AKT3: variants seen among roughly 807,000 people sequenced by gnomAD.
AKT3 encodes RAC-gamma serine/threonine-protein kinase.
In AKT3, 15 loss-of-function variants were observed where a neutral mutation model predicts 65.3. The ratio of observed to expected loss-of-function variants is 0.23; its 90% CI spans 0.15 to 0.35. The LOEUF (loss-of-function observed/expected upper bound fraction) is 0.35, where lower values mean the gene tolerates loss of function less well. Ranked by LOEUF, AKT3 falls within the 10% of genes least tolerant of loss-of-function variation. The probability of loss-of-function intolerance (pLI) is 1.00; values close to 1 mark genes in which losing one functional copy is unlikely to be tolerated. For missense variants in AKT3, 243 were observed against 576.5 expected (o/e 0.42, Z 5.92); for synonymous variants, 206 against 183.8 (o/e 1.12, Z -0.98).
intron 5 of AKT3, among the ~76,000 whole-genome samples, chr1:243,642,717 C>T (rs1238535855): frequency 6.6e-6 from 1 of 152,194 alleles, no homozygotes; most frequent in East Asian, 1.9e-4. Context: ...TACAGTTACA[C>T]TCTTCCCTTT....
chr1:243,642,732 G>A (rs540209842), intron 5 of AKT3, among the ~76,000 whole-genome samples: 16 of 152,258 alleles, frequency 1.1e-4, no homozygotes, highest in African/African-American at 3.9e-4. Context: ...CCCTTTACAT[G>A]TTTACGTGGC....
chr1:243,650,786 T>C (rs1404718893), intron 4 of AKT3, among the ~76,000 whole-genome samples: 3 of 152,218 alleles, frequency 2.0e-5, no homozygotes, highest in Non-Finnish European at 4.4e-5. Context: ...ACTAGTAGCA[T>C]GCTGTTTTTG....
At chr1:243,747,561 G>A (rs188121676) in intron 2 of AKT3, among the ~76,000 whole-genome samples, 86 of 152,268 alleles carry the variant, frequency 5.6e-4, no homozygotes, top group South Asian at 2.5e-3. Context: ...GCATGTTCAC[G>A]TTCACTTGTC....
At chr1:243,753,693 T>C (rs1042318103) in intron 2 of AKT3, among the ~76,000 whole-genome samples, 2 of 152,180 alleles carry the variant, frequency 1.3e-5, no homozygotes, top group African/African-American at 4.8e-5. Context: ...TCATAATATA[T>C]TCCTCATCAA....
At chr1:243,741,937 T>C (rs1042333621) in intron 2 of AKT3, 2 of 151,972 alleles carry the variant, frequency 1.3e-5, no homozygotes, top group Non-Finnish European at 2.9e-5. Flanking sequence ...ATCTGTGTAT[T>C]AACAGTATTC....
At chr1:243,608,488 G>T (rs1350133453) in intron 8 of AKT3, among the ~76,000 whole-genome samples, 1 of 152,046 alleles carries the variant, frequency 6.6e-6, no homozygotes, top group Non-Finnish European at 1.5e-5. Flanking sequence ...GCAAAAACTT[G>T]ATATAAAAAG....
intron 3 of AKT3, among the ~76,000 whole-genome samples, chr1:243,693,049 G>C (rs1485235599): frequency 6.6e-6 from 1 of 150,866 alleles, no homozygotes; most frequent in East Asian, 2.0e-4. Context: ...AATCAGGAGG[G>C]AAGCAATTCA....
rs371434257 is a variant in AKT3, at chr1:243,562,340, C to T, written c.948+1380G>A. On this transcript the variant is annotated intron_variant, in intron 10 of 13. Coordinates refer to ENST00000673466, the MANE Select transcript of AKT3 (RefSeq NM_005465.7). ...GGCGGAAGGAAGAATGAGGAGCTAA[C>T]GGGTATGGGGTTTCTTGCTGGAGTG... Among the ~76,000 whole-genome samples, 55 of 152,124 alleles carry T rather than the reference C, an allele frequency of 3.6e-4. 1 individual carries two copies. The East Asian group carries it at 9.3e-3, about 26-fold the overall frequency.
Position 243,499,888 on chromosome 1 carries a change from C to T in AKT3, c.*5361G>A, listed in dbSNP as rs762181040. ...ACGCACCACGACCTTCCCAGGGTGA[C>T]ACCGCCTCAGCCTGCAGTGGGGCTG... is the stretch of plus-strand genomic sequence containing the variant. On this transcript the variant is annotated 3_prime_UTR_variant, in exon 14 of 14. Coordinates refer to ENST00000673466, the MANE Select transcript of AKT3 (RefSeq NM_005465.7). The T allele has an allele frequency of 7.1e-6, 8 of 1,122,084 alleles. No homozygotes were observed. The highest frequency in any genetic ancestry group is 9.3e-6 in the Non-Finnish European group (7 of 752,184). 69.5% of individuals were successfully genotyped at this position (1,122,084 alleles called of 1,614,324 possible).
rs534020526 is a variant in AKT3 at position 243,811,097 on chromosome 1, C to T, written c.46+32028G>A. On this transcript the variant is annotated intron_variant, in intron 2 of 13. Coordinates refer to ENST00000673466, the MANE Select transcript of AKT3 (RefSeq NM_005465.7). ...GAATGGGCAAAAACTGGAAGCATTC[C>T]CTTTGAAAACTGGCACAAGACAGGG... 3.9e-4 allele frequency among the ~76,000 whole-genome samples: 59 copies of T among 152,210 alleles called. 1 individual carries two copies. The highest frequency in any genetic ancestry group is 1.3e-3 in the African/African-American group (54 of 41,542).
Position 243,541,905 on chromosome 1 carries a change from C to A in AKT3, c.1251+3605G>T, listed in dbSNP as rs555408947. Among the ~76,000 whole-genome samples, 50 of 152,180 alleles carry A rather than the reference C, an allele frequency of 3.3e-4. 1 individual carries two copies. Among genetic ancestry groups the A allele is most frequent in the African/African-American group, 1.1e-3 (46 of 41,540 alleles). On this transcript the variant is annotated intron_variant, in intron 12 of 13. Transcript: ENST00000673466. Reference sequence around the variant, plus strand: ...GTATTTCTATATACTGGCAGTAAAACAAAGTGAAAATGAAATTTTAAATAT... The same window carrying A: ...GTATTTCTATATACTGGCAGTAAAAAAAAGTGAAAATGAAATTTTAAATAT...
At chr1:243,509,797 G>A (rs12045585) in intron 13 of AKT3, among the ~76,000 whole-genome samples, 19,203 of 152,016 alleles carry the variant, frequency 0.13, 1,421 homozygotes, top group East Asian at 0.26. Flanking sequence ...TAAAGAGACG[G>A]CTTCTCAGGC....
chr1:243,751,760 G>A (rs1176424519), intron 2 of AKT3, among the ~76,000 whole-genome samples: 1 of 152,114 alleles, frequency 6.6e-6, no homozygotes, highest in Non-Finnish European at 1.5e-5. Flanking sequence ...CAGCCCACAG[G>A]GGAAGAGAGC....
At position 243,501,527 on chromosome 1, in the gene AKT3, C is replaced by T; in HGVS notation, c.*3722G>A. The T allele has an allele frequency of 4.3e-6, 1 of 233,268 alleles. No individual in the cohort carries two copies. Among genetic ancestry groups the T allele is most frequent in the East Asian group, 6.0e-5 (1 of 16,582 alleles). 14.4% of individuals were successfully genotyped at this position (233,268 alleles called of 1,614,324 possible). A position where few individuals can be genotyped will look rare whatever the true frequency, so the allele number is the denominator to read the frequency against. On this transcript the variant is annotated 3_prime_UTR_variant, in exon 14 of 14. Coordinates refer to ENST00000673466, the MANE Select transcript of AKT3 (RefSeq NM_005465.7). ...GTGCTGAGAGGTCAGCGTTTCCCCT[C>T]AGAAGCAGCCGTTCATCAAAGTTTG...
At chr1:243,531,063 C>T (rs1263348530) in intron 12 of AKT3, among the ~76,000 whole-genome samples, 1 of 152,068 alleles carries the variant, frequency 6.6e-6, no homozygotes, top group Non-Finnish European at 1.5e-5. Context: ...CATTGATGTT[C>T]AACCATTCTA....
Position 243,552,288 on chromosome 1 carries a change from CAAAAAAAAAAAAAAAA to C in AKT3, c.1163+425_1163+440del, listed in dbSNP as rs33995513. Among the ~76,000 whole-genome samples the C allele has an allele frequency of 1.4e-4, 7 of 50,166 alleles. No homozygotes were observed. The Admixed American group carries it at 2.9e-3, about 20-fold the overall frequency. The allele number at this position is 50,166 out of a possible 152,430, so 32.9% of individuals were successfully genotyped here. The stretch of plus-strand genomic sequence containing the variant: ...TGGGTGGCAGAGTGAGACTCTGTCT[CAAAAAAAAAAAAAAAA>C]AAAAAAAAAAATGCAATTAGATATG... On this transcript the variant is annotated intron_variant, in intron 11 of 13. Coordinates refer to ENST00000673466, the MANE Select transcript of AKT3 (RefSeq NM_005465.7).
intron 4 of AKT3, among the ~76,000 whole-genome samples, chr1:243,647,417 T>A (rs144397744): frequency 6.6e-6 from 1 of 152,290 alleles, no homozygotes; most frequent in Non-Finnish European, 1.5e-5. Context: ...AGGTATGGGG[T>A]GGGCTATACC....
chr1:243,693,258 A>ATAAATTATATTATATT (rs1684832267), intron 3 of AKT3, among the ~76,000 whole-genome samples: 1 of 75,344 alleles, frequency 1.3e-5, no homozygotes, highest in Non-Finnish European at 2.6e-5. Context: ...ATATATATAT[A>ATAAATTATATTATATT]TATATATATA....
intron 1 of AKT3, among the ~76,000 whole-genome samples, chr1:243,848,797 T>C (rs1695624047): frequency 6.6e-6 from 1 of 152,252 alleles, no homozygotes. Context: ...CCAATATAGA[T>C]GCATAGGTTT....
Sources: allele counts gnomAD v4.1 joint callset (sites outside exome capture counted in the v4.1 genomes callset), GRCh38; gene constraint gnomAD v4.1.1; transcripts MANE v1.5; gene names NCBI Gene and HGNC (gene_info 2026-07-23, HGNC 2026-07-21).